Variants in GNPNAT1 observed in about 807,000 individuals in gnomAD.
The protein encoded by GNPNAT1 is glucosamine 6-phosphate N-acetyltransferase.
In GNPNAT1, 11 loss-of-function variants were observed where a neutral mutation model predicts 19.8. The observed-to-expected ratio is 0.56, with a 90% confidence interval of 0.35 to 0.92. GNPNAT1 has a LOEUF of 0.92. Ranked by LOEUF, GNPNAT1 falls within the 40% of genes least tolerant of loss-of-function variation. GNPNAT1 has a pLI of 0.01. For synonymous variants in GNPNAT1, 71 were observed against 72.3 expected (o/e 0.98, Z 0.09); for missense variants, 157 against 211.0 (o/e 0.74, Z 1.59).
rs773940760 is a variant in GNPNAT1, at chr14:52,776,713, G to C, written c.*1598C>G. 1 of 151,998 alleles carries C rather than the reference G, an allele frequency of 6.6e-6. No individual in the cohort carries two copies. The highest frequency in any genetic ancestry group is 6.6e-5 in the Admixed American group (1 of 15,252). 9.4% of individuals were successfully genotyped at this position (151,998 alleles called of 1,614,324 possible). On this transcript the variant is annotated 3_prime_UTR_variant, in exon 6 of 6. Coordinates refer to ENST00000216410, the MANE Select transcript of GNPNAT1 (RefSeq NM_198066.4). ...TGGGATTACAGGCGCATGCCACCAC[G>C]TCTGGCTAATTTTTCTTTTTTTTAG...
chr14:52,784,983 A>G (rs924546064), intron 1 of GNPNAT1, among the ~76,000 whole-genome samples: 3 of 143,782 alleles, frequency 2.1e-5, no homozygotes, highest in South Asian at 2.2e-4. Context: ...TGGAGTGCAG[A>G]GGCGTGATCC....
chr14:52,778,827 G>C (rs1317513769), intron 5 of GNPNAT1, among the ~76,000 whole-genome samples: 2 of 151,942 alleles, frequency 1.3e-5, no homozygotes, highest in Non-Finnish European at 2.9e-5. Context: ...CACCAGCCTG[G>C]GAAACACGGC....
chr14:52,788,463 T>C (rs1883074582), intron 1 of GNPNAT1, among the ~76,000 whole-genome samples: 1 of 152,098 alleles, frequency 6.6e-6, no homozygotes, highest in South Asian at 2.1e-4. Flanking sequence ...TGAAATTGAG[T>C]CCACGTGTTT....
intron 3 of GNPNAT1, among the ~76,000 whole-genome samples, chr14:52,782,666 G>C (rs1426926498): frequency 7.0e-6 from 1 of 143,236 alleles, no homozygotes; most frequent in African/African-American, 2.6e-5. Flanking sequence ...TCCAGATAGA[G>C]ATCTAAAATG....
intron 1 of GNPNAT1, among the ~76,000 whole-genome samples, chr14:52,788,990 A>G (rs116897408): frequency 4.9e-3 from 750 of 152,322 alleles, no homozygotes; most frequent in Non-Finnish European, 8.6e-3. Flanking sequence ...AAAACTTTCT[A>G]TATGTTAACT....
At position 52,781,663 on chromosome 14, in the gene GNPNAT1, C is replaced by G. The variant is rs943060875; in HGVS notation, c.345+121G>C. 1.4e-5 allele frequency: 12 copies of G among 885,964 alleles called. No homozygotes were observed. The Admixed American group carries it at 3.2e-4, about 23-fold the overall frequency. The allele number at this position is 885,964 out of a possible 1,614,324, so 54.9% of individuals were successfully genotyped here. On this transcript the variant is annotated intron_variant, in intron 4 of 5. Transcript: ENST00000216410. ...TCTTTCTTAAAGCTCTCAGAACACA[C>G]TGGGAAAAGGGATTTCTAAGAGGCA...
intron 1 of GNPNAT1, among the ~76,000 whole-genome samples, chr14:52,789,116 TGAGGCAACAGGGCCAGCTTCA>T (rs1393359475): frequency 6.6e-6 from 1 of 152,192 alleles, no homozygotes. Flanking sequence ...GGATTCAAAA[TGAGGCAACAGGGCCAGCTTCA>T]GAAGCCCCTG....
rs922550814 is a variant in GNPNAT1 at position 52,775,307 on chromosome 14, T to C, written c.*3004A>G. 4 of 151,986 alleles carry C rather than the reference T, an allele frequency of 2.6e-5. No individual in the cohort carries two copies. The highest frequency in any genetic ancestry group is 7.2e-5 in the African/African-American group (3 of 41,386). 9.4% of individuals were successfully genotyped at this position (151,986 alleles called of 1,614,324 possible). A position where few individuals can be genotyped will look rare whatever the true frequency, so the allele number is the denominator to read the frequency against. On this transcript the variant is annotated 3_prime_UTR_variant, in exon 6 of 6. Transcript: ENST00000216410. ...TCATCCACAGAACAGCTTTCAGTCA[T>C]TACAAAAAAAAAATACTTCTTGCTT...
chr14:52,785,387 A>T (rs1046526512), intron 1 of GNPNAT1, among the ~76,000 whole-genome samples: 36 of 151,988 alleles, frequency 2.4e-4, no homozygotes, highest in East Asian at 9.7e-4. Context: ...GGGGAAAAAA[A>T]TTTTTTTTAA....
Position 52,784,566 on chromosome 14 carries a change from C to T in GNPNAT1, c.85G>A (p.Ala29Thr), listed in dbSNP as rs761343034. Reference protein sequence around the residue: ...WSQNTATFSPAISPTHPGEGL... With the variant: ...WSQNTATFSPTISPTHPGEGL... ...TCTCCAGGATGTGTTGGGGAAATGG[C>T]TGGAGAAAATGTAGCTGTATTCTGA... Residue 29 changes from alanine (A) to threonine (T), a missense_variant, in exon 2 of 6, where the codon GCC becomes ACC. By Grantham distance (58) the Ala-to-Thr change is moderately conservative. Transcript: ENST00000216410. 1.9e-6 allele frequency: 3 copies of T among 1,610,050 alleles called. No homozygotes were observed. Among genetic ancestry groups the T allele is most frequent in the Non-Finnish European group, 2.5e-6 (3 of 1,178,238 alleles).
rs567085170 is a variant in GNPNAT1, at chr14:52,786,857, A to ATTT, written c.-14-2196_-14-2194dup. Among the ~76,000 whole-genome samples the ATTT allele has an allele frequency of 4.4e-3, 430 of 98,630 alleles. 15 individuals carry two copies. Among genetic ancestry groups the ATTT allele is most frequent in the Middle Eastern group, 0.012 (2 of 162 alleles). 64.7% of individuals were successfully genotyped at this position (98,630 alleles called of 152,430 possible). ...GGACCAGAAATGTTTCAGGTTTTGG[A>ATTT]TTTTTTTTTTTTTTTTTTTTTTTTT... On this transcript the variant is annotated intron_variant, in intron 1 of 5. Coordinates refer to ENST00000216410, the MANE Select transcript of GNPNAT1 (RefSeq NM_198066.4).
Position 52,781,792 on chromosome 14 carries a change from A to T in GNPNAT1, c.337T>A (p.Cys113Ser). ...LIIEHKFIHS[C>S]AKRGRVEDVV... ...TTATAAGCAGCACATACCTTAGCAC[A>T]GGAATGGATGAATTTATGTTCTATA... Residue 113 changes from cysteine to serine, a missense_variant, in exon 4 of 6, where the codon TGT becomes AGT. Physicochemically the swap from Cys to Ser is moderately radical, Grantham distance 112. Coordinates refer to ENST00000216410, the MANE Select transcript of GNPNAT1 (RefSeq NM_198066.4). 1 of 1,599,410 alleles carries T rather than the reference A, an allele frequency of 6.3e-7. No individual in the cohort carries two copies. The highest frequency in any genetic ancestry group is 1.3e-5 in the African/African-American group (1 of 74,194).
chr14:52,779,071 A>C (rs952370679), intron 5 of GNPNAT1, among the ~76,000 whole-genome samples: 4 of 152,106 alleles, frequency 2.6e-5, no homozygotes, highest in African/African-American at 9.7e-5. Flanking sequence ...CAACCTTTAA[A>C]AAAAAAAATG....
At chr14:52,786,857 ATTTTTTTT>A (rs567085170) in intron 1 of GNPNAT1, among the ~76,000 whole-genome samples, 25 of 98,694 alleles carry the variant, frequency 2.5e-4, no homozygotes, top group African/African-American at 5.8e-4. Flanking sequence ...CAGGTTTTGG[ATTTTTTTT>A]TTTTTTTTTT....
chr14:52,782,013 G>C, intron 3 of GNPNAT1, 102 bp from the exon 4 acceptor site: 1 of 1,037,242 alleles, frequency 9.6e-7, no homozygotes, highest in Non-Finnish European at 1.4e-6. Context: ...AATGTTTAAA[G>C]CTGTTTTACC....
Position 52,776,528 on chromosome 14 carries a change from G to A in GNPNAT1, c.*1783C>T, listed in dbSNP as rs2139955065. The A allele has an allele frequency of 6.6e-6, 1 of 152,218 alleles. No individual in the cohort carries two copies. Among genetic ancestry groups the A allele is most frequent in the Non-Finnish European group, 1.5e-5 (1 of 68,002 alleles). 9.4% of individuals were successfully genotyped at this position (152,218 alleles called of 1,614,324 possible). ...GTTCAGTGGTAAGAAAGGTAATAAA[G>A]CATTTAGTTGTGCCTTTAAGTAGGC... is the stretch of plus-strand genomic sequence containing the variant. On this transcript the variant is annotated 3_prime_UTR_variant, in exon 6 of 6. Coordinates refer to ENST00000216410, the MANE Select transcript of GNPNAT1 (RefSeq NM_198066.4).
At chr14:52,785,740 G>A (rs1882999613) in intron 1 of GNPNAT1, among the ~76,000 whole-genome samples, 1 of 150,264 alleles carries the variant, frequency 6.7e-6, no homozygotes, top group African/African-American at 2.4e-5. Flanking sequence ...AAAACTTACT[G>A]GGCATGTAGC....
Position 52,778,285 on chromosome 14 carries a change from C to G in GNPNAT1, c.*26G>C. Reference sequence around the variant, plus strand: ...AGAGTGTAGCCTTGTAGCATTAGCCCCTTTGACAATTTTCTTACAAGATTT... The same window carrying G: ...AGAGTGTAGCCTTGTAGCATTAGCCGCTTTGACAATTTTCTTACAAGATTT... On this transcript the variant is annotated 3_prime_UTR_variant, in exon 6 of 6. Transcript: ENST00000216410. 1 of 1,553,892 alleles carries G rather than the reference C, an allele frequency of 6.4e-7. No homozygotes were observed. Among genetic ancestry groups the G allele is most frequent in the Non-Finnish European group, 8.7e-7 (1 of 1,151,240 alleles).
rs115214176 is a variant in GNPNAT1 at position 52,783,427 on chromosome 14, A to G, written c.213T>C (p.Phe71=). 914 of 1,604,308 alleles carry G rather than the reference A, an allele frequency of 5.7e-4. 5 individuals are homozygous for G. The African/African-American group carries it at 0.011, about 18-fold the overall frequency. The change falls in exon 3 of 6, where the codon TTT becomes TTC. Residue 71 remains phenylalanine, a synonymous_variant. Transcript: ENST00000216410. ...TETGVVSPEQ[F]MKSFEHMKKS... is the part of the protein sequence containing the mutation. ...AAAAGAGGTTATAGTACTTACTCATAAATTGTTCAGGGCTGACAACTCCAG... is the reference window on the plus strand; with the variant it reads ...AAAAGAGGTTATAGTACTTACTCATGAATTGTTCAGGGCTGACAACTCCAG...
Sources: gnomAD v4.1 joint callset for allele counts (sites outside exome capture counted in the v4.1 genomes callset) on GRCh38, gnomAD v4.1.1 for gene constraint, MANE v1.5 for transcripts, NCBI Gene and HGNC (gene_info 2026-07-23, HGNC 2026-07-21) for gene names.